EVI5: variants seen among roughly 807,000 people sequenced by gnomAD.
EVI5 encodes the protein ecotropic viral integration site 5 protein homolog.
A neutral mutation model predicts 112.0 loss-of-function variants in EVI5; 73 were observed. That is an observed-to-expected ratio of 0.65 (90% CI 0.54 to 0.79). The LOEUF (loss-of-function observed/expected upper bound fraction) is 0.79, where lower values mean the gene tolerates loss of function less well. Ranked by LOEUF, EVI5 falls within the 30% of genes least tolerant of loss-of-function variation. The pLI, the probability that EVI5 is intolerant of heterozygous loss-of-function variation, is 0.00. For missense variants in EVI5, 900 were observed against 968.8 expected, an observed-to-expected ratio of 0.93 and a Z score of 0.94; for synonymous variants, 305 against 319.9, an observed-to-expected ratio of 0.95 and a Z score of 0.50.
At chr1:92,705,633 G>C (rs972306394) in intron 2 of EVI5, among the ~76,000 whole-genome samples, 1 of 152,130 alleles carries the variant, frequency 6.6e-6, no homozygotes, top group Non-Finnish European at 1.5e-5. Context: ...CTTATCTGTT[G>C]AAAGAAGGGT....
intron 9 of EVI5, among the ~76,000 whole-genome samples, chr1:92,689,763 A>G (rs1328077198): frequency 1.3e-5 from 2 of 152,230 alleles, no homozygotes; most frequent in African/African-American, 2.4e-5. Flanking sequence ...TTGCAACCTT[A>G]AAACATTCTG....
intron 2 of EVI5, among the ~76,000 whole-genome samples, chr1:92,707,602 C>T (rs1672216627): frequency 6.6e-6 from 1 of 152,158 alleles, no homozygotes; most frequent in Non-Finnish European, 1.5e-5. Flanking sequence ...TAAAACCAAA[C>T]TATATACATA....
chr1:92,782,348 T>C (rs1331016815), intron 1 of EVI5, among the ~76,000 whole-genome samples: 1 of 148,442 alleles, frequency 6.7e-6, no homozygotes, highest in Admixed American at 6.7e-5. Flanking sequence ...AAAGGCAAAA[T>C]ACAGACTGAA....
At chr1:92,747,454 C>T (rs1435575022) in intron 1 of EVI5, among the ~76,000 whole-genome samples, 1 of 152,036 alleles carries the variant, frequency 6.6e-6, no homozygotes, top group Non-Finnish European at 1.5e-5. Flanking sequence ...TGGCTCATGC[C>T]TGTAATCCCA....
At chr1:92,671,372 C>A (rs1665854798) in intron 10 of EVI5, among the ~76,000 whole-genome samples, 1 of 152,106 alleles carries the variant, frequency 6.6e-6, no homozygotes, top group Non-Finnish European at 1.5e-5. Flanking sequence ...ACTTGTCTTC[C>A]TCATCTTTAA....
chr1:92,723,890 G>A (rs1675141750), intron 2 of EVI5, among the ~76,000 whole-genome samples: 1 of 152,182 alleles, frequency 6.6e-6, no homozygotes, highest in East Asian at 1.9e-4. Context: ...CTCTGGGAAT[G>A]TCTGTCTTAC....
intron 19 of EVI5, among the ~76,000 whole-genome samples, chr1:92,550,307 T>C: frequency 8.4e-6 from 1 of 118,820 alleles, no homozygotes; most frequent in Non-Finnish European, 1.6e-5. Context: ...TGAGAACAGC[T>C]GGACACGGGA....
intron 9 of EVI5, among the ~76,000 whole-genome samples, chr1:92,679,442 T>G (rs934135074): frequency 5.9e-5 from 9 of 152,162 alleles, no homozygotes; most frequent in Non-Finnish European, 1.3e-4. Flanking sequence ...GTAGTTATCA[T>G]TATGCATTAT....
At chr1:92,726,200 T>C (rs1445056597) in intron 2 of EVI5, among the ~76,000 whole-genome samples, 1 of 152,068 alleles carries the variant, frequency 6.6e-6, no homozygotes, top group Non-Finnish European at 1.5e-5. Context: ...TATAAATCCA[T>C]AAGAAGTTCA....
At chr1:92,699,438 T>C (rs1670794805) in intron 5 of EVI5, among the ~76,000 whole-genome samples, 1 of 152,204 alleles carries the variant, frequency 6.6e-6, no homozygotes, top group South Asian at 2.1e-4. Flanking sequence ...TCTCTTTCTT[T>C]AGCTGAAATC....
chr1:92,607,198 T>C (rs761555425), intron 17 of EVI5, among the ~76,000 whole-genome samples: 38 of 152,226 alleles, frequency 2.5e-4, no homozygotes, highest in Non-Finnish European at 3.7e-4. Context: ...TTAACATTAC[T>C]GCCCACTAAT....
At chr1:92,579,732 A>G (rs922273198) in intron 18 of EVI5, among the ~76,000 whole-genome samples, 10 of 152,224 alleles carry the variant, frequency 6.6e-5, no homozygotes, top group Admixed American at 5.9e-4. Flanking sequence ...TAAAAAACAA[A>G]AGAAAGATAT....
At chr1:92,619,281 C>T (rs1236269502) in intron 16 of EVI5, among the ~76,000 whole-genome samples, 1 of 152,084 alleles carries the variant, frequency 6.6e-6, no homozygotes, top group Non-Finnish European at 1.5e-5. Context: ...GAGAGACTGG[C>T]CCAGCCTATA....
At chr1:92,604,543 A>C (rs1444180785) in intron 18 of EVI5, among the ~76,000 whole-genome samples, 2 of 152,182 alleles carry the variant, frequency 1.3e-5, no homozygotes, top group African/African-American at 2.4e-5. Context: ...AAACCTCCTG[A>C]AGGATCTGAG....
At chr1:92,697,202 T>G (rs1670461454) in intron 6 of EVI5, among the ~76,000 whole-genome samples, 1 of 152,130 alleles carries the variant, frequency 6.6e-6, no homozygotes. Flanking sequence ...CCTATTTTCT[T>G]AAATTCTGCT....
At chr1:92,570,263 C>T (rs79694049) in intron 18 of EVI5, among the ~76,000 whole-genome samples, 97 of 152,140 alleles carry the variant, frequency 6.4e-4, no homozygotes, top group African/African-American at 2.2e-3. Flanking sequence ...AAGAATCACC[C>T]ATTTGGATAC....
chr1:92,706,631 T>C (rs1399922643), intron 2 of EVI5, among the ~76,000 whole-genome samples: 1 of 152,212 alleles, frequency 6.6e-6, no homozygotes, highest in Non-Finnish European at 1.5e-5. Flanking sequence ...TGCTGAGTTA[T>C]TAATACAACT....
At chr1:92,664,925 G>A (rs1400890151) in intron 11 of EVI5, among the ~76,000 whole-genome samples, 2 of 152,166 alleles carry the variant, frequency 1.3e-5, no homozygotes, top group Non-Finnish European at 2.9e-5. Context: ...AGAAAAAAGT[G>A]GCTGGGCACG....
chr1:92,559,947 A>G (rs1668272628), intron 19 of EVI5, among the ~76,000 whole-genome samples: 1 of 152,192 alleles, frequency 6.6e-6, no homozygotes. Flanking sequence ...CAATCTCATT[A>G]ATAATCAGGG....
Sources: allele counts gnomAD v4.1 joint callset (sites outside exome capture counted in the v4.1 genomes callset), GRCh38; gene constraint gnomAD v4.1.1; transcripts MANE v1.5; gene names NCBI Gene and HGNC (gene_info 2026-07-23, HGNC 2026-07-21).